The following LRRC59 variants were observed in gnomAD, a reference collection of about 807,000 sequenced individuals.
The protein encoded by LRRC59 is leucine-rich repeat-containing protein 59.
Under a neutral mutation model 33.5 loss-of-function variants are expected in LRRC59, and 18 were observed. The ratio of observed to expected loss-of-function variants is 0.54; its 90% CI spans 0.37 to 0.80. The LOEUF is 0.80. LRRC59 is among the 30% of genes least tolerant of loss of function. The probability of loss-of-function intolerance (pLI) is 0.00; values close to 1 mark genes in which losing one functional copy is unlikely to be tolerated. For synonymous variants in LRRC59, 138 were observed against 160.0 expected, an observed-to-expected ratio of 0.86 and a Z score of 1.04; for missense variants, 330 against 391.9, an observed-to-expected ratio of 0.84 and a Z score of 1.33.
Position 50,383,165 on chromosome 17 carries a change from C to T in LRRC59, c.747G>A (p.Lys249=). Residue 249 remains lysine, a synonymous_variant, in exon 7 of 7, where the codon AAG becomes AAA. Coordinates refer to ENST00000225972, the MANE Select transcript of LRRC59 (RefSeq NM_018509.4). ...RKHTRSWAVL[K]LLLLLLLFGV... ...CAAATAGCAGCAGCAGCAGCAGCAGCTTCAGCACAGCCCAGGAACGAGTGT... is the reference window on the plus strand; with the variant it reads ...CAAATAGCAGCAGCAGCAGCAGCAGTTTCAGCACAGCCCAGGAACGAGTGT... The T allele has an allele frequency of 6.4e-7, 1 of 1,572,708 alleles. No individual in the cohort carries two copies. The highest frequency in any genetic ancestry group is 1.9e-5 in the Admixed American group (1 of 51,706).
chr17:50,385,460 C>T (rs1406741613), intron 5 of LRRC59, among the ~76,000 whole-genome samples, 169 bp from the exon 6 acceptor site: 3 of 152,092 alleles, frequency 2.0e-5, no homozygotes, highest in Non-Finnish European at 4.4e-5. Flanking sequence ...AGTAGCCCTC[C>T]CCAAAAGCAG....
intron 4 of LRRC59, among the ~76,000 whole-genome samples, chr17:50,388,657 A>G (rs1914070157): frequency 6.6e-6 from 1 of 152,220 alleles, no homozygotes; most frequent in Non-Finnish European, 1.5e-5. Context: ...AAGGTCATTA[A>G]AACTGTCAGA....
At chr17:50,392,104 G>T (rs1914158873) in intron 4 of LRRC59, among the ~76,000 whole-genome samples, 1 of 152,242 alleles carries the variant, frequency 6.6e-6, no homozygotes, top group Non-Finnish European at 1.5e-5. Flanking sequence ...GGAGGCTGAG[G>T]CAGGAGAATC....
intron 5 of LRRC59, chr17:50,386,315 T>C (rs942626460): frequency 1.3e-5 from 2 of 152,192 alleles, no homozygotes; most frequent in Non-Finnish European, 2.9e-5. Context: ...CAGGAACACA[T>C]TCAGATTTAC....
chr17:50,392,249 T>C (rs1459694742), intron 4 of LRRC59, 149 bp downstream of exon 4: 2 of 627,062 alleles, frequency 3.2e-6, no homozygotes, highest in Non-Finnish European at 5.7e-6. Context: ...CAAAGGTCTC[T>C]GTTTGACAGG....
At chr17:50,388,166 A>C (rs1451043838) in intron 4 of LRRC59, 34 bp from the exon 5 acceptor site, 2 of 1,594,294 alleles carry the variant, frequency 1.3e-6, no homozygotes, top group Admixed American at 3.3e-5. Flanking sequence ...AGTGCTCTTC[A>C]TAGTCATGTT....
In LRRC59 at chr17:50,392,915, A is replaced by G. The variant is rs201839497; in HGVS notation, c.166-18T>C. On this transcript the variant is annotated intron_variant, in intron 2 of 6. Transcript: ENST00000225972. ...AAATCCGACTAGGATCCAAAGAGAG[A>G]ACCTAAGCTAGGCTTGTCCAACACA... is the stretch of plus-strand genomic sequence containing the variant. 1 of 1,608,974 alleles carries G rather than the reference A, an allele frequency of 6.2e-7. No homozygotes were observed. Among genetic ancestry groups the G allele is most frequent in the East Asian group, 2.2e-5 (1 of 44,728 alleles).
chr17:50,397,356 G>T lies in LRRC59; in HGVS notation c.-39C>A. ...GAGCGGGCCCCGGCTCCGGGGTTCC[G>T]GCGGGTGAAAGGAGCTGAAATGTCG... is the stretch of plus-strand genomic sequence containing the variant. On this transcript the variant is annotated 5_prime_UTR_variant, in exon 1 of 7. Transcript: ENST00000225972. The T allele has an allele frequency of 6.5e-7, 1 of 1,540,860 alleles. No individual in the cohort carries two copies. Among genetic ancestry groups the T allele is most frequent in the Non-Finnish European group, 8.9e-7 (1 of 1,127,108 alleles).
chr17:50,392,184 G>C (rs1914161337), intron 4 of LRRC59, among the ~76,000 whole-genome samples: 1 of 152,222 alleles, frequency 6.6e-6, no homozygotes, highest in African/African-American at 2.4e-5. Flanking sequence ...CTGGGCAACA[G>C]AGCAACTCTG....
At chr17:50,386,344 T>C (rs535193084) in intron 5 of LRRC59, 2 of 152,348 alleles carry the variant, frequency 1.3e-5, no homozygotes, top group South Asian at 2.1e-4. Context: ...TCAAGCATGT[T>C]TGCAAACTTC....
At chr17:50,393,702 G>A (rs1598370787) in intron 2 of LRRC59, among the ~76,000 whole-genome samples, 1 of 152,190 alleles carries the variant, frequency 6.6e-6, no homozygotes, top group Non-Finnish European at 1.5e-5. Context: ...GCTCTCTAGG[G>A]ACTTGGAAAT....
At position 50,383,147 on chromosome 17, in the gene LRRC59, C is replaced by T. The variant is rs1423869348; in HGVS notation, c.765G>A (p.Leu255=). 4 of 1,571,762 alleles carry T rather than the reference C, an allele frequency of 2.5e-6. No individual in the cohort carries two copies. The African/African-American group carries it at 4.0e-5, about 16-fold the overall frequency. The change falls in exon 7 of 7, where the codon CTG becomes CTA. Residue 255 remains leucine (L), a synonymous_variant. Coordinates refer to ENST00000225972, the MANE Select transcript of LRRC59 (RefSeq NM_018509.4). ...WAVLKLLLLL[L]LFGVAGGLVA... ...CCAGCCCTCCCGCCACACCAAATAGCAGCAGCAGCAGCAGCAGCTTCAGCA... is the reference window on the plus strand; with the variant it reads ...CCAGCCCTCCCGCCACACCAAATAGTAGCAGCAGCAGCAGCAGCTTCAGCA...
intron 2 of LRRC59, among the ~76,000 whole-genome samples, chr17:50,393,105 C>T (rs1914188398): frequency 6.6e-6 from 1 of 152,128 alleles, no homozygotes; most frequent in Non-Finnish European, 1.5e-5. Flanking sequence ...ATTGGAAACT[C>T]CTCATCTAAG....
chr17:50,384,358 A>G (rs76582766), intron 6 of LRRC59, among the ~76,000 whole-genome samples: 14 of 152,206 alleles, frequency 9.2e-5, no homozygotes, highest in South Asian at 2.1e-4. Context: ...CAGAGTCTCT[A>G]TGTTGCTCAG....
intron 6 of LRRC59, 147 bp downstream of exon 6, chr17:50,384,971 G>A (rs188829205): frequency 4.8e-5 from 46 of 951,820 alleles, no homozygotes; most frequent in South Asian, 3.8e-4. Flanking sequence ...CCCATTCCCC[G>A]TAACCAAACC....
chr17:50,391,758 G>A (rs1365604306), intron 4 of LRRC59, among the ~76,000 whole-genome samples: 2 of 152,062 alleles, frequency 1.3e-5, no homozygotes, highest in Non-Finnish European at 2.9e-5. Context: ...ACATTCCTAC[G>A]ACTGTGCCTC....
intron 5 of LRRC59, among the ~76,000 whole-genome samples, chr17:50,387,670 G>A (rs190499383): frequency 2.6e-5 from 4 of 152,126 alleles, no homozygotes; most frequent in Admixed American, 2.6e-4. Context: ...GATTGGATGT[G>A]GGAATTACAG....
Position 50,397,306 on chromosome 17 carries a change from G to T in LRRC59, c.12C>A (p.Ala4=), listed in dbSNP as rs756288631. MTK[A]GSKGGNLRDK... ...CGCGGAGGTTCCCGCCCTTGCTACC[G>T]GCCTTGGTCATGGTAACGCCGGCTG... is the stretch of plus-strand genomic sequence containing the variant. Residue 4 remains alanine (A), a synonymous_variant, in exon 1 of 7, where the codon GCC becomes GCA. Transcript: ENST00000225972. 1.2e-6 allele frequency: 2 copies of T among 1,607,252 alleles called. No individual in the cohort carries two copies. The highest frequency in any genetic ancestry group is 2.2e-5 in the South Asian group (2 of 90,044).
Position 50,385,300 on chromosome 17 carries a change from A to G in LRRC59, c.503-9T>C, listed in dbSNP as rs1913978299. 1 of 1,610,288 alleles carries G rather than the reference A, an allele frequency of 6.2e-7. No individual in the cohort carries two copies. On this transcript the variant is annotated splice_polypyrimidine_tract_variant and intron_variant, in intron 5 of 6. Transcript: ENST00000225972. ...ACGCTTCTTCTCTGCCTCTACAACA[A>G]AACATACCAAAATTTGACTTCTCTC...
Sources: gnomAD v4.1 joint callset for allele counts (sites outside exome capture counted in the v4.1 genomes callset) on GRCh38, gnomAD v4.1.1 for gene constraint, MANE v1.5 for transcripts, NCBI Gene and HGNC (gene_info 2026-07-23, HGNC 2026-07-21) for gene names.